Variants in VPS13B observed in about 807,000 individuals in gnomAD.
VPS13B encodes intermembrane lipid transfer protein VPS13B.
Under a neutral mutation model 426.4 loss-of-function variants are expected in VPS13B, and 285 were observed. That is an observed-to-expected ratio of 0.67 (90% CI 0.61 to 0.74). The LOEUF (loss-of-function observed/expected upper bound fraction) is 0.74, where lower values mean the gene tolerates loss of function less well. Ranked by LOEUF, VPS13B falls within the 30% of genes least tolerant of loss-of-function variation. VPS13B has a pLI of 0.00. For missense variants in VPS13B, 4,537 were observed against 4,782.6 expected (o/e 0.95, Z 1.51); for synonymous variants, 1,676 against 1,676.4 (o/e 1.00, Z 0.01).
intron 33 of VPS13B, among the ~76,000 whole-genome samples, chr8:99,627,413 A>G (rs1828657602): frequency 6.6e-6 from 1 of 151,916 alleles, no homozygotes. Flanking sequence ...TTTTATTTTT[A>G]TTTTATTTAT....
At chr8:99,848,709 GAAGTC>G in intron 54 of VPS13B, 62 bp from the exon 55 acceptor site, 1 of 1,443,458 alleles carries the variant, frequency 6.9e-7, no homozygotes, top group Non-Finnish European at 9.7e-7. Context: ...GGAGACATTT[GAAGTC>G]AAGCCACTTC....
chr8:99,725,939 A>G (rs1833329731), intron 39 of VPS13B, among the ~76,000 whole-genome samples: 1 of 152,222 alleles, frequency 6.6e-6, no homozygotes, highest in African/African-American at 2.4e-5. Flanking sequence ...TCCTCAAAAC[A>G]GAATTGAGTT....
intron 6 of VPS13B, among the ~76,000 whole-genome samples, chr8:99,111,704 T>C (rs6651157): frequency 0.74 from 111,777 of 152,054 alleles, 41,817 homozygotes; most frequent in South Asian, 0.87. Context: ...CTTGATATAC[T>C]AACCTAATAG....
chr8:99,266,504 G>A (rs1818312268), intron 17 of VPS13B, among the ~76,000 whole-genome samples: 1 of 152,074 alleles, frequency 6.6e-6, no homozygotes, highest in Non-Finnish European at 1.5e-5. Flanking sequence ...GTACTAGGAG[G>A]ATGATATGAT....
intron 39 of VPS13B, among the ~76,000 whole-genome samples, chr8:99,755,668 GC>G (rs1221468998): frequency 6.6e-6 from 1 of 152,200 alleles, no homozygotes; most frequent in African/African-American, 2.4e-5. Context: ...TACTCAGGAG[GC>G]TGAGGCAGGA....
intron 17 of VPS13B, among the ~76,000 whole-genome samples, chr8:99,256,428 G>A (rs1817744765): frequency 6.6e-6 from 1 of 152,102 alleles, no homozygotes; most frequent in Admixed American, 6.5e-5. Flanking sequence ...TACAATTGCT[G>A]GATCATATGG....
In VPS13B at chr8:99,384,264, T is replaced by C. The variant is rs1563700103; in HGVS notation, c.2881T>C (p.Tyr961His). 3 of 1,613,892 alleles carry C rather than the reference T, an allele frequency of 1.9e-6. No homozygotes were observed. The highest frequency in any genetic ancestry group is 3.3e-5 in the Admixed American group (2 of 59,996). The stretch of plus-strand genomic sequence containing the variant: ...AGCAGTTAATATTGACCCAATCTTA[T>C]ATACGTGGCTCATCTATCAGCCTCA... ...GLAVNIDPIL[Y>H]TWLIYQPQKR... The change falls in exon 20 of 62, where the codon TAT becomes CAT. Residue 961 changes from tyrosine (Y) to histidine (H), a missense_variant. By Grantham distance (83) the Tyr-to-His change is moderately conservative (BLOSUM62 2). Coordinates refer to ENST00000357162, the MANE Select transcript of VPS13B (RefSeq NM_152564.5).
At chr8:99,314,156 T>G (rs1412172485) in intron 19 of VPS13B, among the ~76,000 whole-genome samples, 1 of 152,154 alleles carries the variant, frequency 6.6e-6, no homozygotes, top group Non-Finnish European at 1.5e-5. Context: ...CTCATGCTCG[T>G]TGGGCTGCAC....
chr8:99,520,807 GTC>G, intron 29 of VPS13B, 90 bp from the exon 30 acceptor site: 1 of 942,706 alleles, frequency 1.1e-6, no homozygotes, highest in South Asian at 1.3e-5. Context: ...ATCTTAATGT[GTC>G]TCTATTCCAT....
chr8:99,554,036 A>G, intron 30 of VPS13B, among the ~76,000 whole-genome samples: 1 of 152,092 alleles, frequency 6.6e-6, no homozygotes, highest in Non-Finnish European at 1.5e-5. Flanking sequence ...GTCCAAAAAA[A>G]AAATGGGAAA....
chr8:99,314,971 G>A (rs1588241584), intron 19 of VPS13B, among the ~76,000 whole-genome samples: 1 of 151,816 alleles, frequency 6.6e-6, no homozygotes, highest in Non-Finnish European at 1.5e-5. Context: ...GTTTCAATTT[G>A]CATGGAATAT....
intron 39 of VPS13B, among the ~76,000 whole-genome samples, chr8:99,738,998 T>C (rs1026858532): frequency 1.5e-4 from 23 of 152,278 alleles, no homozygotes; most frequent in Admixed American, 8.5e-4. Context: ...GTGCAGCGCA[T>C]TGAGCCTGAG....
chr8:99,175,183 G>T (rs943517895), intron 16 of VPS13B, among the ~76,000 whole-genome samples: 6 of 152,176 alleles, frequency 3.9e-5, no homozygotes, highest in African/African-American at 1.4e-4. Flanking sequence ...TTGTAGGAGG[G>T]TGCATTTGAT....
chr8:99,277,283 T>C (rs1479545158), intron 19 of VPS13B, among the ~76,000 whole-genome samples: 1 of 152,148 alleles, frequency 6.6e-6, no homozygotes, highest in African/African-American at 2.4e-5. Context: ...AAATGTAATA[T>C]ATTTTAACTT....
chr8:99,464,034 A>C (rs916467469), intron 23 of VPS13B, among the ~76,000 whole-genome samples: 3 of 152,140 alleles, frequency 2.0e-5, no homozygotes, highest in African/African-American at 7.2e-5. Flanking sequence ...ACTAGTTTGG[A>C]GTAATAAACA....
intron 34 of VPS13B, among the ~76,000 whole-genome samples, chr8:99,649,281 A>G (rs1250315440): frequency 6.6e-6 from 1 of 152,080 alleles, no homozygotes; most frequent in Non-Finnish European, 1.5e-5. Flanking sequence ...TGTTTATCAA[A>G]TTTGAGAACT....
At chr8:99,402,266 G>T (rs892986164) in intron 21 of VPS13B, among the ~76,000 whole-genome samples, 1 of 152,112 alleles carries the variant, frequency 6.6e-6, no homozygotes, top group African/African-American at 2.4e-5. Context: ...TCCCCTTCAT[G>T]TCCCCCAGAC....
At chr8:99,797,192 C>T (rs922281804) in intron 43 of VPS13B, 1 of 152,064 alleles carries the variant, frequency 6.6e-6, no homozygotes, top group Non-Finnish European at 1.5e-5. Flanking sequence ...AATATTTAAT[C>T]CTGTATCTTG....
chr8:99,236,139 C>T (rs1432073150), intron 17 of VPS13B, among the ~76,000 whole-genome samples: 1 of 152,164 alleles, frequency 6.6e-6, no homozygotes, highest in Non-Finnish European at 1.5e-5. Flanking sequence ...GTTTTTCATC[C>T]ACTATCATGG....
Sources: gnomAD v4.1 joint callset for allele counts (sites outside exome capture counted in the v4.1 genomes callset) on GRCh38, gnomAD v4.1.1 for gene constraint, MANE v1.5 for transcripts, NCBI Gene and HGNC (gene_info 2026-07-23, HGNC 2026-07-21) for gene names.